The following RERE variants were observed in gnomAD, a reference collection of about 807,000 sequenced individuals.
The protein encoded by RERE is arginine-glutamic acid dipeptide repeats.
A neutral mutation model predicts 146.1 loss-of-function variants in RERE; 40 were observed. The ratio of observed to expected loss-of-function variants is 0.27; its 90% confidence interval spans 0.21 to 0.36. The LOEUF is 0.36. RERE is among the 10% of genes least tolerant of loss of function. The pLI is 1.00. For synonymous variants in RERE, 1,003 were observed against 866.0 expected, an observed-to-expected ratio of 1.16 and a Z score of -2.78; for missense variants, 1,933 against 2,138.7, an observed-to-expected ratio of 0.90 and a Z score of 1.90.
At chr1:8,443,718 A>G (rs533017814) in intron 11 of RERE, among the ~76,000 whole-genome samples, 42 of 152,226 alleles carry the variant, frequency 2.8e-4, no homozygotes, top group Non-Finnish European at 5.6e-4. Flanking sequence ...CAGCTTTGGG[A>G]CACTGCTTCC....
intron 12 of RERE, among the ~76,000 whole-genome samples, chr1:8,392,899 T>A (rs1642932097): frequency 6.6e-6 from 1 of 152,142 alleles, no homozygotes. Flanking sequence ...GTGCATTCTC[T>A]GGGGGCATTT....
chr1:8,483,377 T>C (rs563930773), intron 10 of RERE, among the ~76,000 whole-genome samples: 51 of 152,312 alleles, frequency 3.3e-4, no homozygotes, highest in Admixed American at 5.2e-4. Context: ...TATTCCACAT[T>C]CAAGTCATAA....
intron 1 of RERE, among the ~76,000 whole-genome samples, chr1:8,684,696 G>A (rs1328365349): frequency 6.6e-6 from 1 of 152,126 alleles, no homozygotes; most frequent in Non-Finnish European, 1.5e-5. Flanking sequence ...CTCTCCCTAT[G>A]AGCTGTTAAC....
rs150425774 is a variant in RERE at position 8,769,463 on chromosome 1, T to G, written c.-145+47697A>C. 6.5e-3 allele frequency among the ~76,000 whole-genome samples: 996 copies of G among 152,186 alleles called. 13 individuals are homozygous for G. The highest frequency in any genetic ancestry group is 5.9e-3 in the Admixed American group (90 of 15,282). On this transcript the variant is annotated intron_variant, in intron 1 of 22. Transcript: ENST00000400908. ...AAAGTTGTAAAACTCCAAACCACTA[T>G]AAAGGATGTAAAACACATCATTTTG...
At chr1:8,605,685 G>GATCATGCCAAA (rs1646695138) in intron 4 of RERE, among the ~76,000 whole-genome samples, 1 of 126,626 alleles carries the variant, frequency 7.9e-6, no homozygotes, top group Admixed American at 1.0e-4. Flanking sequence ...GGAGGCAGGT[G>GATCATGCCAAA]ATCATGCCAA....
At chr1:8,607,362 CAAA>C (rs1358829755) in intron 4 of RERE, among the ~76,000 whole-genome samples, 8 of 84,096 alleles carry the variant, frequency 9.5e-5, no homozygotes, top group Admixed American at 1.3e-4. Flanking sequence ...ACCCTGTCTC[CAAA>C]AAAAAAAAAA....
intron 2 of RERE, among the ~76,000 whole-genome samples, chr1:8,645,034 G>A (rs1349582880): frequency 1.3e-5 from 2 of 152,054 alleles, no homozygotes; most frequent in Non-Finnish European, 2.9e-5. Flanking sequence ...CAAACCAGCT[G>A]TGTGACTTTG....
intron 10 of RERE, among the ~76,000 whole-genome samples, chr1:8,469,348 G>A (rs1419806380): frequency 6.6e-6 from 1 of 152,216 alleles, no homozygotes; most frequent in Non-Finnish European, 1.5e-5. Flanking sequence ...GCTGGGCGCG[G>A]TGGCTCACGC....
rs1645029540 is a variant in RERE, at chr1:8,495,176, G to C, written c.1005-14C>G. On this transcript the variant is annotated splice_polypyrimidine_tract_variant and intron_variant, in intron 9 of 22. Transcript: ENST00000400908. ...GCCGCCATGCTCCTTCAGAAGAAAA[G>C]GTTTTTCCTTTATTAGTACATAGTA... 4.4e-6 allele frequency: 7 copies of C among 1,599,228 alleles called. No homozygotes were observed. The highest frequency in any genetic ancestry group is 6.0e-6 in the Non-Finnish European group (7 of 1,166,684).
rs370741202 is a variant in RERE, at chr1:8,574,900, T to C, written c.523-17377A>G. 5.9e-5 allele frequency among the ~76,000 whole-genome samples: 9 copies of C among 152,378 alleles called. No homozygotes were observed. In the South Asian group the frequency reaches 1.0e-3, roughly 18 times the overall value. On this transcript the variant is annotated intron_variant, in intron 4 of 22. Coordinates refer to ENST00000400908, the MANE Select transcript of RERE (RefSeq NM_001042681.2). ...TGAGCTTTCTATTTAGAATGTTCTT[T>C]CATGAATATATATTAGACTTCAATT...
At chr1:8,594,922 G>A (rs1402246779) in intron 4 of RERE, among the ~76,000 whole-genome samples, 1 of 152,094 alleles carries the variant, frequency 6.6e-6, no homozygotes, top group East Asian at 1.9e-4. Context: ...GCCTTGGGAG[G>A]CCAAGGCAGG....
intron 1 of RERE, chr1:8,805,885 C>T (rs548325938): frequency 1.8e-5 from 2 of 110,340 alleles, no homozygotes; most frequent in Admixed American, 1.1e-4. Context: ...GAATTTCACA[C>T]TTGTTTTCCA....
intron 1 of RERE, among the ~76,000 whole-genome samples, chr1:8,680,124 G>T (rs111314948): frequency 2.0e-5 from 3 of 152,110 alleles, no homozygotes; most frequent in Non-Finnish European, 4.4e-5. Flanking sequence ...AGGCAGTCAC[G>T]TGACACCAAT....
intron 4 of RERE, among the ~76,000 whole-genome samples, chr1:8,601,628 A>C (rs1233717925): frequency 2.6e-5 from 2 of 77,404 alleles, no homozygotes; most frequent in South Asian, 5.3e-4. Flanking sequence ...CAAGGTCACC[A>C]CACACACACA....
At chr1:8,406,017 C>G (rs560377636) in intron 12 of RERE, among the ~76,000 whole-genome samples, 28 of 152,236 alleles carry the variant, frequency 1.8e-4, no homozygotes, top group Non-Finnish European at 3.5e-4. Flanking sequence ...CCCTTTCCCC[C>G]TAACAACTAC....
chr1:8,377,358 T>C (rs1349090626), intron 12 of RERE, among the ~76,000 whole-genome samples: 1 of 152,220 alleles, frequency 6.6e-6, no homozygotes, highest in Admixed American at 6.5e-5. Context: ...GATGTAAATA[T>C]TTTAAGTGTA....
chr1:8,592,287 ACAC>A lies in RERE; in HGVS notation c.522+22271_522+22273del, dbSNP rs1570479142. 4.6e-5 allele frequency among the ~76,000 whole-genome samples: 7 copies of A among 152,062 alleles called. No homozygotes were observed. The East Asian group carries it at 1.4e-3, about 30-fold the overall frequency. ...GGTACTTTTTTTTTCTTTTTTAAAG[ACAC>A]CGTCTCTGTCTGTCACCCAGGCTGG... On this transcript the variant is annotated intron_variant, in intron 4 of 22. Coordinates refer to ENST00000400908, the MANE Select transcript of RERE (RefSeq NM_001042681.2).
intron 1 of RERE, among the ~76,000 whole-genome samples, chr1:8,808,437 A>G (rs1172576468): frequency 3.3e-5 from 5 of 152,208 alleles, no homozygotes; most frequent in Non-Finnish European, 5.9e-5. Flanking sequence ...CTAGATGACA[A>G]TAACAGTAAT....
chr1:8,809,157 A>AAAAAAAAAAAAAAAT (rs985140466), intron 1 of RERE, among the ~76,000 whole-genome samples: 5 of 146,122 alleles, frequency 3.4e-5, no homozygotes, highest in African/African-American at 1.4e-4. Flanking sequence ...AAAAAAAAAA[A>AAAAAAAAAAAAAAAT]AAAGTACTGA....
Sources: gnomAD v4.1 joint callset for allele counts (sites outside exome capture counted in the v4.1 genomes callset) on GRCh38, gnomAD v4.1.1 for gene constraint, MANE v1.5 for transcripts, NCBI Gene and HGNC (gene_info 2026-07-23, HGNC 2026-07-21) for gene names.